MATN4: variants seen among roughly 807,000 people sequenced by gnomAD.
The protein encoded by MATN4 is matrilin 4.
A neutral mutation model predicts 54.6 loss-of-function variants in MATN4; 40 were observed. The ratio of observed to expected loss-of-function variants is 0.73; its 90% CI spans 0.57 to 0.95. The LOEUF (loss-of-function observed/expected upper bound fraction) is 0.95. MATN4 is among the 40% of genes least tolerant of loss of function. The pLI is 0.00. For missense variants in MATN4, 810 were observed against 819.1 expected (o/e 0.99, Z 0.13); for synonymous variants, 351 against 345.3 (o/e 1.02, Z -0.18).
In MATN4 at chr20:45,298,531, G is replaced by A. The variant is rs1348525207; in HGVS notation, c.1065C>T (p.Ser355=). The A allele has an allele frequency of 6.3e-7, 1 of 1,598,438 alleles. No individual in the cohort carries two copies. The highest frequency in any genetic ancestry group is 8.6e-7 in the Non-Finnish European group (1 of 1,169,424). The part of the protein sequence containing the change: ...DLVLLVDGSK[S]VRPQNFELVK... ...CTAGCTCGAAGTTTTGTGGACGCAC[G>A]CTCTTGGAGCCATCAACCAGCAGAA... is the stretch of plus-strand genomic sequence containing the variant. The change falls in exon 7 of 10, where the codon AGC becomes AGT. Residue 355 remains serine, a synonymous_variant. Coordinates refer to ENST00000372756, the MANE Select transcript of MATN4 (RefSeq NM_001393530.1). The surrounding 1 kb of genome is among the most constrained non-coding windows in gnomAD (Gnocchi z 4.6).
At position 45,298,354 on chromosome 20, in the gene MATN4, G is replaced by C. The variant is rs1394403922; in HGVS notation, c.1242C>G (p.Ala414=). The change falls in exon 7 of 10, where the codon GCC becomes GCG. Residue 414 remains alanine (A), a synonymous_variant. Transcript: ENST00000372756. The surrounding 1 kb of genome is among the most constrained non-coding windows in gnomAD (Gnocchi z 4.6). ...TAAEVKQAVL[A]VEYMERGTMT... is the part of the protein sequence containing the mutation. ...TGGTGCCGCGTTCCATGTACTCCAC[G>C]GCCAGGACCGCCTGCTTCACCTCGG... is the stretch of plus-strand genomic sequence containing the variant. 6.2e-7 allele frequency: 1 copy of C among 1,612,958 alleles called. No homozygotes were observed.
intron 1 of MATN4, among the ~76,000 whole-genome samples, 189 bp from the exon 2 acceptor site, chr20:45,305,805 C>CTTTTTTTT (rs758735302): frequency 0.14 from 8,887 of 64,196 alleles, 2,868 homozygotes; most frequent in Middle Eastern, 0.21. Flanking sequence ...ACAAGAGATT[C>CTTTTTTTT]TTTTTTTTTT....
Position 45,298,190 on chromosome 20 carries a change from G to A in MATN4, c.1406C>T (p.Ala469Val). Reference sequence around the variant, plus strand: ...CCCACCTTCCTCCTTGGCGCGCGCTGCCCACACCGAGATGTCATCCTGGGA... The same window carrying A: ...CCCACCTTCCTCCTTGGCGCGCGCTACCCACACCGAGATGTCATCCTGGGA... The part of the protein sequence containing the change: ...GRSQDDISVW[A>V]ARAKEEGIVM... The change falls in exon 7 of 10, where the codon GCA becomes GTA. Residue 469 changes from alanine to valine, a missense_variant. Coordinates refer to ENST00000372756, the MANE Select transcript of MATN4 (RefSeq NM_001393530.1). The surrounding 1 kb of genome is among the most constrained non-coding windows in gnomAD (Gnocchi z 4.6). 6.2e-7 allele frequency: 1 copy of A among 1,600,028 alleles called. No homozygotes were observed. The highest frequency in any genetic ancestry group is 8.5e-7 in the Non-Finnish European group (1 of 1,169,908).
chr20:45,297,859 G>GTC, intron 8 of MATN4, 59 bp downstream of exon 8: 1 of 1,593,586 alleles, frequency 6.3e-7, no homozygotes, highest in Non-Finnish European at 8.6e-7. Context: ...AATAGGAAGG[G>GTC]GAGATATCAG....
intron 1 of MATN4, among the ~76,000 whole-genome samples, chr20:45,307,375 AG>A (rs1247047642): frequency 1.3e-5 from 2 of 151,980 alleles, no homozygotes; most frequent in Non-Finnish European, 2.9e-5. Flanking sequence ...TTCCCCTCCC[AG>A]GCCTGGTAGA....
In MATN4 at chr20:45,305,544, A is replaced by C. The variant is rs888304543; in HGVS notation, c.39T>G (p.Leu13=). ...GGAGCTGGGTTTCCCAGGGCTGAAGAAGGAGCAGCAACACGGGCCAGCAAA... is the reference window on the plus strand; with the variant it reads ...GGAGCTGGGTTTCCCAGGGCTGAAGCAGGAGCAGCAACACGGGCCAGCAAA... ...GLLCWPVLLL[L]LQPWETQLQL... is the part of the protein sequence containing the mutation. The change falls in exon 2 of 10, where the codon CTT becomes CTG. Residue 13 remains leucine (L), a synonymous_variant. Transcript: ENST00000372756. The C allele has an allele frequency of 4.5e-6, 7 of 1,559,050 alleles. No individual in the cohort carries two copies. The highest frequency in any genetic ancestry group is 6.1e-6 in the Non-Finnish European group (7 of 1,151,310).
At chr20:45,307,097 TG>T (rs1431763214) in intron 1 of MATN4, among the ~76,000 whole-genome samples, 4 of 144,536 alleles carry the variant, frequency 2.8e-5, no homozygotes, top group Non-Finnish European at 5.9e-5. Context: ...CTAGGGCTCC[TG>T]GTTCCCCTTC....
intron 6 of MATN4, among the ~76,000 whole-genome samples, chr20:45,299,972 TGTGTAGGG>T (rs1986120102): frequency 5.8e-5 from 4 of 68,540 alleles, no homozygotes; most frequent in South Asian, 3.2e-4. Context: ...TGGGTGTGTG[TGTGTAGGG>T]GTGTGTGTGT....
rs375842193 is a variant in MATN4, at chr20:45,298,347, A to G, written c.1249T>C (p.Tyr417His). ...EVKQAVLAVE[Y>H]MERGTMTGLA... The stretch of plus-strand genomic sequence containing the variant: ...CCTGTCATGGTGCCGCGTTCCATGT[A>G]CTCCACGGCCAGGACCGCCTGCTTC... Residue 417 changes from tyrosine (Y) to histidine (H), a missense_variant, in exon 7 of 10, where the codon TAC becomes CAC. Transcript: ENST00000372756. The surrounding 1 kb of genome is among the most constrained non-coding windows in gnomAD (Gnocchi z 4.6). 55 of 1,613,014 alleles carry G rather than the reference A, an allele frequency of 3.4e-5. No homozygotes were observed. Among genetic ancestry groups the G allele is most frequent in the Non-Finnish European group, 4.5e-5 (53 of 1,179,752 alleles).
At chr20:45,305,422 C>A in intron 2 of MATN4, 88 bp downstream of exon 2, 1 of 1,040,304 alleles carries the variant, frequency 9.6e-7, no homozygotes, top group Non-Finnish European at 1.4e-6. Flanking sequence ...CCCTTGCTTC[C>A]CTCTCCCCAG....
At chr20:45,302,009 T>G (rs1368232811) in intron 3 of MATN4, among the ~76,000 whole-genome samples, 1 of 152,108 alleles carries the variant, frequency 6.6e-6, no homozygotes, top group African/African-American at 2.4e-5. Context: ...GAGTTTTTCG[T>G]GTGTGTGTGC....
intron 1 of MATN4, 118 bp downstream of exon 1, chr20:45,308,057 G>A: frequency 1.2e-6 from 1 of 864,726 alleles, no homozygotes; most frequent in Non-Finnish European, 1.9e-6. Flanking sequence ...GTGGGGAAGG[G>A]CACTGCAAAT....
chr20:45,308,110 G>T (rs779165332), intron 1 of MATN4, 65 bp downstream of exon 1: 1 of 1,511,662 alleles, frequency 6.6e-7, no homozygotes, highest in Admixed American at 1.7e-5. Flanking sequence ...AAATACACTC[G>T]CCTGACCTGG....
At chr20:45,303,488 C>G (rs1419647476) in intron 3 of MATN4, 3 of 715,734 alleles carry the variant, frequency 4.2e-6, no homozygotes, top group Admixed American at 2.0e-5. Context: ...CAACCATGTC[C>G]CCCCTCAGCA....
Position 45,304,476 on chromosome 20 carries a change from C to G in MATN4, c.395G>C (p.Arg132Pro). Residue 132 changes from arginine (R) to proline (P), a missense_variant, in exon 3 of 10, where the codon CGA becomes CCA. Transcript: ENST00000372756. Reference sequence around the variant, plus strand: ...ACGCGGCACGCGCTCCTCTGGCGGTCGCGCGCCCTCGGCCACACTGAAGGC... The same window carrying G: ...ACGCGGCACGCGCTCCTCTGGCGGTGGCGCGCCCTCGGCCACACTGAAGGC... ...NVAFSVAEGA[R>P]PPEERVPRVA... 1 of 1,568,626 alleles carries G rather than the reference C, an allele frequency of 6.4e-7. No homozygotes were observed. Among genetic ancestry groups the G allele is most frequent in the Non-Finnish European group, 8.7e-7 (1 of 1,149,832 alleles).
In MATN4 at chr20:45,297,966, C is replaced by T. The variant is rs929647038; in HGVS notation, c.1531G>A (p.Gly511Ser). ...ELHVSYAPDF[G>S]TMTHLLENLR... ...TTCTCCAGCAGGTGCGTCATGGTGC[C>T]GAAGTCCGGGGCATAGGACACGTGC... The change falls in exon 8 of 10, where the codon GGC (glycine) becomes AGC (serine). Residue 511 changes from glycine (G) to serine (S), a missense_variant. Physicochemically the swap from Gly to Ser is moderately conservative, Grantham distance 56 (BLOSUM62 0). Coordinates refer to ENST00000372756, the MANE Select transcript of MATN4 (RefSeq NM_001393530.1). The T allele has an allele frequency of 2.5e-6, 4 of 1,614,174 alleles. No individual in the cohort carries two copies. Among genetic ancestry groups the T allele is most frequent in the Non-Finnish European group, 3.4e-6 (4 of 1,180,042 alleles).
chr20:45,304,269 A>G lies in MATN4; in HGVS notation c.602T>C (p.Leu201Pro). ...EHVFLVESFDLIQEFGLQFQS... is the reference protein window; with the variant it reads ...EHVFLVESFDPIQEFGLQFQS... ...GAACTGCAGGCCGAACTCCTGGATG[A>G]GGTCGAAGGACTCTACGAGGAAGAC... The change falls in exon 3 of 10, where the codon CTC becomes CCC. Residue 201 changes from leucine (L) to proline (P), a missense_variant. Coordinates refer to ENST00000372756, the MANE Select transcript of MATN4 (RefSeq NM_001393530.1). 1 of 1,547,182 alleles carries G rather than the reference A, an allele frequency of 6.5e-7. No individual in the cohort carries two copies. Among genetic ancestry groups the G allele is most frequent in the Non-Finnish European group, 8.7e-7 (1 of 1,150,446 alleles).
In MATN4 at chr20:45,304,324, C is replaced by T. The variant is rs1197530034; in HGVS notation, c.547G>A (p.Ala183Thr). ...TCGTCTAGCGGGGGCGATGCCATGG[C>T]GCGCAGGGAGCCCACGTCCGCGCGC... Reference protein sequence around the residue: ...VQRADVGSLRAMASPPLDEHV... With the variant: ...VQRADVGSLRTMASPPLDEHV... Residue 183 changes from alanine to threonine, a missense_variant, in exon 3 of 10, where the codon GCC becomes ACC. By Grantham distance (58) the Ala-to-Thr change is moderately conservative. Transcript: ENST00000372756. The T allele has an allele frequency of 1.3e-6, 2 of 1,521,512 alleles. No individual in the cohort carries two copies. Among genetic ancestry groups the T allele is most frequent in the African/African-American group, 1.4e-5 (1 of 69,846 alleles). 94.3% of individuals were successfully genotyped at this position (1,521,512 alleles called of 1,614,324 possible). A position where few individuals can be genotyped will look rare whatever the true frequency, so the allele number is the denominator to read the frequency against.
At chr20:45,305,459 A>C in intron 2 of MATN4, 51 bp downstream of exon 2, 1 of 1,413,432 alleles carries the variant, frequency 7.1e-7, no homozygotes, top group Non-Finnish European at 9.8e-7. Flanking sequence ...CAGAGGGAGG[A>C]CCTGCTTCCG....
Sources: gnomAD v4.1 joint callset for allele counts (sites outside exome capture counted in the v4.1 genomes callset) on GRCh38, gnomAD v4.1.1 for gene constraint, Gnocchi (gnomAD v3.1) non-coding constraint, MANE v1.5 for transcripts, NCBI Gene and HGNC (gene_info 2026-07-23, HGNC 2026-07-21) for gene names.